Variants in KTN1 observed in about 807,000 individuals in gnomAD.
KTN1 encodes the protein kinectin 1.
KTN1 carries 130 observed loss-of-function variants against 222.5 expected under a neutral mutation model. The ratio of observed to expected loss-of-function variants is 0.58; its 90% CI spans 0.51 to 0.68. The LOEUF (loss-of-function observed/expected upper bound fraction) is 0.68, where lower values mean the gene tolerates loss of function less well. KTN1 is among the 30% of genes least tolerant of loss of function. KTN1 has a pLI of 0.00. For missense variants in KTN1, 1,508 were observed against 1,500.4 expected (o/e 1.01, Z -0.08); for synonymous variants, 512 against 496.3 (o/e 1.03, Z -0.42).
chr14:55,643,077 TTTTTGTA>T (rs973235548), intron 18 of KTN1, among the ~76,000 whole-genome samples: 67 of 152,188 alleles, frequency 4.4e-4, no homozygotes, highest in African/African-American at 1.5e-3. Flanking sequence ...GCTCCGCTGA[TTTTTGTA>T]TTTTTAGCAG....
intron 1 of KTN1, among the ~76,000 whole-genome samples, chr14:55,595,401 G>A (rs1282848186): frequency 1.3e-5 from 2 of 152,200 alleles, no homozygotes; most frequent in African/African-American, 4.8e-5. Context: ...ACTTAGTAAT[G>A]TGGTGTTCCA....
intron 30 of KTN1, among the ~76,000 whole-genome samples, chr14:55,659,052 ATC>A (rs1463741408): frequency 3.9e-5 from 6 of 152,114 alleles, no homozygotes; most frequent in Admixed American, 3.9e-4. Context: ...TGCTTGGTAA[ATC>A]AAAAGTGTGT....
intron 1 of KTN1, among the ~76,000 whole-genome samples, chr14:55,597,299 C>G (rs959003200): frequency 2.0e-5 from 3 of 152,032 alleles, no homozygotes; most frequent in Non-Finnish European, 4.4e-5. Flanking sequence ...TTTTCTTAAG[C>G]CATAGTTCTT....
intron 1 of KTN1, among the ~76,000 whole-genome samples, chr14:55,610,906 C>T (rs2037455724): frequency 6.6e-6 from 1 of 152,238 alleles, no homozygotes; most frequent in Non-Finnish European, 1.5e-5. Context: ...CCTTCCCGCC[C>T]CGGGCGTACT....
Position 55,676,938 on chromosome 14 carries a change from A to T in KTN1, c.3855+1020A>T, listed in dbSNP as rs184208717. ...GTGGTTGAGCAGTCAGTTTACTTTG[A>T]TACGTGATTTTAATTTTTGACCTCT... is the stretch of plus-strand genomic sequence containing the variant. On this transcript the variant is annotated intron_variant, in intron 41 of 43. Transcript: ENST00000395314. Among the ~76,000 whole-genome samples, 11 of 152,288 alleles carry T rather than the reference A, an allele frequency of 7.2e-5. No individual in the cohort carries two copies. The East Asian group carries it at 2.1e-3, about 29-fold the overall frequency.
At chr14:55,590,679 CT>C (rs1199051378) in intron 1 of KTN1, among the ~76,000 whole-genome samples, 263 of 141,436 alleles carry the variant, frequency 1.9e-3, no homozygotes, top group Admixed American at 1.8e-3. Flanking sequence ...TCAGGATATT[CT>C]TTTTTTTTTT....
intron 22 of KTN1, 145 bp downstream of exon 22, chr14:55,649,958 G>A: frequency 4.0e-6 from 2 of 505,946 alleles, no homozygotes; most frequent in East Asian, 3.4e-5. Context: ...AATGGAATAA[G>A]AGAACTTAGC....
intron 5 of KTN1, among the ~76,000 whole-genome samples, chr14:55,627,156 A>G (rs1186532435): frequency 6.6e-6 from 1 of 152,106 alleles, no homozygotes; most frequent in Non-Finnish European, 1.5e-5. Flanking sequence ...TTTTGGTTTC[A>G]TATTCTCTCT....
At position 55,633,231 on chromosome 14, in the gene KTN1, T is replaced by G. The variant is rs2140933170; in HGVS notation, c.1222-4T>G. ...TAAGTTTTATGTGTGTAAAATAATT[T>G]TAGTTTCAGCAAGTTCGTGAGCAGA... is the stretch of plus-strand genomic sequence containing the variant. On this transcript the variant is annotated splice_polypyrimidine_tract_variant and splice_region_variant and intron_variant, in intron 7 of 43. Coordinates refer to ENST00000395314, the MANE Select transcript of KTN1 (RefSeq NM_001079521.2). 1 of 1,555,638 alleles carries G rather than the reference T, an allele frequency of 6.4e-7. No homozygotes were observed. Among genetic ancestry groups the G allele is most frequent in the East Asian group, 2.4e-5 (1 of 42,112 alleles).
intron 1 of KTN1, among the ~76,000 whole-genome samples, chr14:55,584,235 A>G (rs575974578): frequency 2.6e-5 from 4 of 152,110 alleles, no homozygotes; most frequent in Middle Eastern, 3.4e-3. Flanking sequence ...GTTAGCTACT[A>G]TCATCCCTCT....
chr14:55,581,629 A>G (rs939267710), intron 1 of KTN1, among the ~76,000 whole-genome samples: 1 of 152,162 alleles, frequency 6.6e-6, no homozygotes, highest in Admixed American at 6.5e-5. Flanking sequence ...AAAGGTTCTG[A>G]ATTGTATAGG....
At chr14:55,622,225 CA>C (rs1160767068) in intron 5 of KTN1, among the ~76,000 whole-genome samples, 1 of 152,100 alleles carries the variant, frequency 6.6e-6, no homozygotes, top group Non-Finnish European at 1.5e-5. Flanking sequence ...GTGCTAAAGT[CA>C]AAGTCAGGTG....
intron 41 of KTN1, among the ~76,000 whole-genome samples, 194 bp downstream of exon 41, chr14:55,676,112 T>C (rs2045872560): frequency 6.6e-6 from 1 of 152,194 alleles, no homozygotes; most frequent in South Asian, 2.1e-4. Flanking sequence ...GATTCTTAAT[T>C]CACCTCATTA....
chr14:55,679,686 G>T lies in KTN1; in HGVS notation c.4069+1G>T. 6.2e-7 allele frequency: 1 copy of T among 1,613,518 alleles called. No homozygotes were observed. Among genetic ancestry groups the T allele is most frequent in the South Asian group, 1.1e-5 (1 of 91,018 alleles). On this transcript the variant is annotated splice_donor_variant, in intron 43 of 43. Transcript: ENST00000395314. LOFTEE classifies it high-confidence loss of function. ...GAGAAAGAGCACTACCAGGTGTTAGGTAAGGACAACTGAAATATTGCTGTC... is the reference window on the plus strand; with the variant it reads ...GAGAAAGAGCACTACCAGGTGTTAGTTAAGGACAACTGAAATATTGCTGTC...
At position 55,612,546 on chromosome 14, in the gene KTN1, G is replaced by A. The variant is rs1481745901; in HGVS notation, c.498G>A (p.Gly166=). Residue 166 remains glycine (G), a synonymous_variant, in exon 2 of 44, where the codon GGG becomes GGA. Coordinates refer to ENST00000395314, the MANE Select transcript of KTN1 (RefSeq NM_001079521.2). The part of the protein sequence containing the change: ...SEAAASKKKP[G]QKKSKNGSDD... The stretch of plus-strand genomic sequence containing the variant: ...CAGCTGCCTCGAAGAAGAAACCAGG[G>A]CAGAAGAAGTCTAAAAATGGAAGCG... 6.3e-7 allele frequency: 1 copy of A among 1,585,816 alleles called. No individual in the cohort carries two copies. Among genetic ancestry groups the A allele is most frequent in the South Asian group, 1.2e-5 (1 of 85,506 alleles).
At chr14:55,642,498 T>A (rs779545896) in intron 18 of KTN1, among the ~76,000 whole-genome samples, 1 of 152,202 alleles carries the variant, frequency 6.6e-6, no homozygotes, top group South Asian at 2.1e-4. Context: ...ACGCAGCTCT[T>A]ACAATTACAA....
intron 15 of KTN1, 110 bp downstream of exon 15, chr14:55,640,552 G>T: frequency 2.8e-6 from 2 of 724,276 alleles, no homozygotes; most frequent in African/African-American, 1.8e-5. Flanking sequence ...AAATATAATG[G>T]TTTATCATCT....
chr14:55,638,813 A>G (rs2041432212), intron 12 of KTN1, among the ~76,000 whole-genome samples: 1 of 151,854 alleles, frequency 6.6e-6, no homozygotes. Flanking sequence ...TTACTAAACT[A>G]TATTAGTCAT....
intron 43 of KTN1, chr14:55,682,450 G>C (rs1376008747): frequency 1.3e-5 from 2 of 151,958 alleles, no homozygotes; most frequent in Non-Finnish European, 2.9e-5. Context: ...AAGTTTTCTA[G>C]GTGTATTTCT....
Sources: allele counts gnomAD v4.1 joint callset (sites outside exome capture counted in the v4.1 genomes callset), GRCh38; gene constraint gnomAD v4.1.1; transcripts MANE v1.5; gene names NCBI Gene and HGNC (gene_info 2026-07-23, HGNC 2026-07-21).